The following CRISPLD2 variants were observed in gnomAD, a reference collection of about 807,000 sequenced individuals.
The protein encoded by CRISPLD2 is cysteine-rich secretory protein LCCL domain-containing 2.
Under a neutral mutation model 71.1 loss-of-function variants are expected in CRISPLD2, and 47 were observed. The observed-to-expected ratio is 0.66, with a 90% CI of 0.52 to 0.84. The LOEUF is 0.84. Ranked by LOEUF, CRISPLD2 falls within the 40% of genes least tolerant of loss-of-function variation. CRISPLD2 has a pLI of 0.00. For synonymous variants in CRISPLD2, 317 were observed against 250.1 expected, an observed-to-expected ratio of 1.27 and a Z score of -2.52; for missense variants, 830 against 651.1, an observed-to-expected ratio of 1.27 and a Z score of -2.99.
At chr16:84,846,146 T>TTTTCCTTCTTCC (rs150623396) in intron 3 of CRISPLD2, 14 of 368,790 alleles carry the variant, frequency 3.8e-5, no homozygotes, top group African/African-American at 1.3e-4. Flanking sequence ...GTAGTTTGGG[T>TTTTCCTTCTTCC]TTTCCTTCTT....
intron 13 of CRISPLD2, among the ~76,000 whole-genome samples, chr16:84,881,014 G>T (rs1162104448): frequency 1.3e-5 from 2 of 152,122 alleles, no homozygotes; most frequent in African/African-American, 4.8e-5. Flanking sequence ...CAACCTCTTA[G>T]CTAAGTTTAG....
At chr16:84,850,841 CA>C (rs1917069093) in intron 5 of CRISPLD2, among the ~76,000 whole-genome samples, 158 bp downstream of exon 5, 1 of 152,126 alleles carries the variant, frequency 6.6e-6, no homozygotes, top group African/African-American at 2.4e-5. Flanking sequence ...AATAGCTAAG[CA>C]GTGTCAACAA....
In CRISPLD2 at chr16:84,882,699, C is replaced by T. The variant is rs143356871; in HGVS notation, c.1305+2115C>T. ...GGATTACCAACATGAGCCTCTGCACCCAGCCAGAAGGCTACCTTTTATTCA... is the reference window on the plus strand; with the variant it reads ...GGATTACCAACATGAGCCTCTGCACTCAGCCAGAAGGCTACCTTTTATTCA... On this transcript the variant is annotated intron_variant, in intron 13 of 14. Transcript: ENST00000262424. 2.3e-3 allele frequency among the ~76,000 whole-genome samples: 348 copies of T among 152,330 alleles called. 1 individual carries two copies. The highest frequency in any genetic ancestry group is 7.9e-3 in the African/African-American group (328 of 41,584).
intron 14 of CRISPLD2, among the ~76,000 whole-genome samples, chr16:84,892,405 G>T (rs2071670716): frequency 6.6e-6 from 1 of 152,346 alleles, no homozygotes; most frequent in Admixed American, 6.5e-5. Flanking sequence ...CCTTGCTCCA[G>T]CCTGGCCTGG....
chr16:84,903,114 C>T (rs2071769971), intron 14 of CRISPLD2, among the ~76,000 whole-genome samples: 1 of 152,088 alleles, frequency 6.6e-6, no homozygotes, highest in South Asian at 2.1e-4. Context: ...TGGCACCTAG[C>T]AGGGTGACTC....
rs753604192 is a variant in CRISPLD2, at chr16:84,872,509, G to T, written c.981+1G>T. The T allele has an allele frequency of 6.2e-7, 1 of 1,613,136 alleles. No homozygotes were observed. Among genetic ancestry groups the T allele is most frequent in the Non-Finnish European group, 8.5e-7 (1 of 1,179,342 alleles). ...CTTTGGAACTCTGTTCTATGAAAGCGTGAGTGTGGCCAGTCCTCCTCTCAA... is the reference window on the plus strand; with the variant it reads ...CTTTGGAACTCTGTTCTATGAAAGCTTGAGTGTGGCCAGTCCTCCTCTCAA... On this transcript the variant is annotated splice_donor_variant, in intron 9 of 14. Transcript: ENST00000262424. LOFTEE classifies it high-confidence loss of function.
chr16:84,838,367 C>G (rs1916677813), intron 1 of CRISPLD2, 55 bp from the exon 2 acceptor site: 1 of 1,156,246 alleles, frequency 8.6e-7, no homozygotes. Flanking sequence ...CCAGCCAGCG[C>G]TGTGACCGGC....
chr16:84,862,852 G>A (rs1454323466), intron 6 of CRISPLD2, among the ~76,000 whole-genome samples: 1 of 152,064 alleles, frequency 6.6e-6, no homozygotes, highest in African/African-American at 2.4e-5. Context: ...GACCCTCTGA[G>A]GAGCCAGGTC....
At chr16:84,872,302 G>C in intron 8 of CRISPLD2, 140 bp from the exon 9 acceptor site, 1 of 747,690 alleles carries the variant, frequency 1.3e-6, no homozygotes, top group Non-Finnish European at 2.3e-6. Context: ...AGTCTGACTT[G>C]TCCAAAAACA....
intron 1 of CRISPLD2, among the ~76,000 whole-genome samples, chr16:84,826,837 G>A (rs1004179610): frequency 4.6e-5 from 7 of 151,984 alleles, no homozygotes; most frequent in South Asian, 2.1e-4. Context: ...CTGCTGAGCC[G>A]GGGCCCCAGG....
intron 8 of CRISPLD2, among the ~76,000 whole-genome samples, chr16:84,869,922 T>A (rs2071451210): frequency 6.6e-6 from 1 of 152,168 alleles, no homozygotes; most frequent in Non-Finnish European, 1.5e-5. Flanking sequence ...TCGAGGCAGT[T>A]CCAGAGTTGG....
At chr16:84,845,149 C>T (rs184072054) in intron 2 of CRISPLD2, among the ~76,000 whole-genome samples, 3 of 152,302 alleles carry the variant, frequency 2.0e-5, no homozygotes, top group Admixed American at 1.3e-4. Flanking sequence ...GATCCTGGTT[C>T]TGTGACTGGC....
chr16:84,836,381 G>C (rs1916619604), intron 1 of CRISPLD2: 1 of 152,176 alleles, frequency 6.6e-6, no homozygotes, highest in South Asian at 2.1e-4. Flanking sequence ...CTGAGAGAGA[G>C]AGATCAGGGA....
intron 3 of CRISPLD2, among the ~76,000 whole-genome samples, chr16:84,848,910 C>T (rs994879018): frequency 5.0e-5 from 7 of 140,320 alleles, no homozygotes; most frequent in Admixed American, 7.8e-5. Flanking sequence ...GGCGTGAACC[C>T]GGGAGGCGGA....
chr16:84,893,879 C>G (rs908651825), intron 14 of CRISPLD2, among the ~76,000 whole-genome samples: 120 of 152,220 alleles, frequency 7.9e-4, no homozygotes, highest in African/African-American at 2.8e-3. Flanking sequence ...GAGGGTGGCT[C>G]TGTCCCTGAC....
At chr16:84,884,342 CAG>C (rs1213054630) in intron 13 of CRISPLD2, among the ~76,000 whole-genome samples, 2 of 152,190 alleles carry the variant, frequency 1.3e-5, no homozygotes, top group African/African-American at 4.8e-5. Flanking sequence ...ACCTACCCGG[CAG>C]AGTTACTGGG....
At chr16:84,891,459 A>C (rs2071662128) in intron 14 of CRISPLD2, among the ~76,000 whole-genome samples, 1 of 152,134 alleles carries the variant, frequency 6.6e-6, no homozygotes. Flanking sequence ...GACAGCTTCC[A>C]CGTTTTCTCC....
At chr16:84,867,081 C>T (rs900029175) in intron 7 of CRISPLD2, 41 bp downstream of exon 7, 14 of 1,601,182 alleles carry the variant, frequency 8.7e-6, no homozygotes, top group African/African-American at 2.7e-5. Flanking sequence ...CCCTCCCAGC[C>T]ACCTCCAAAG....
At chr16:84,906,309 C>T (rs542411429) in intron 14 of CRISPLD2, among the ~76,000 whole-genome samples, 1 of 152,128 alleles carries the variant, frequency 6.6e-6, no homozygotes, top group African/African-American at 2.4e-5. Context: ...CCAATCCAGA[C>T]AGACTGGGTC....
Sources: gnomAD v4.1 joint callset for allele counts (sites outside exome capture counted in the v4.1 genomes callset) on GRCh38, gnomAD v4.1.1 for gene constraint, MANE v1.5 for transcripts, NCBI Gene and HGNC (gene_info 2026-07-23, HGNC 2026-07-21) for gene names.